Variants in PHLDB2 observed in about 807,000 individuals in gnomAD.
The protein encoded by PHLDB2 is pleckstrin homology like domain family B member 2, also known as pleckstrin homology-like domain family B member 2.
In PHLDB2, 71 loss-of-function variants were observed where a neutral mutation model predicts 123.6. The ratio of observed to expected loss-of-function variants is 0.57; its 90% CI spans 0.47 to 0.70. The LOEUF (loss-of-function observed/expected upper bound fraction) is 0.70. Among genes scored for constraint, PHLDB2 ranks in the 30% least tolerant of loss-of-function variants. The probability of loss-of-function intolerance (pLI) is 0.00; values close to 1 mark genes in which losing one functional copy is unlikely to be tolerated. For missense variants in PHLDB2, 1,446 were observed against 1,519.5 expected (o/e 0.95, Z 0.80); for synonymous variants, 547 against 541.6 (o/e 1.01, Z -0.14).
rs1187001824 is a variant in PHLDB2 at position 111,884,660 on chromosome 3, A to G, written c.583A>G (p.Arg195Gly). Residue 195 changes from arginine to glycine, a missense_variant, in exon 2 of 18, where the codon AGA (arginine) becomes GGA (glycine). Arg to Gly is a moderately radical substitution (Grantham distance 125, BLOSUM62 -2). Around this residue, in one of 3 missense-constraint regions of PHLDB2, gnomAD observed 832 missense variants for 831.9 expected, o/e 1.00. Coordinates refer to ENST00000431670, the MANE Select transcript of PHLDB2 (RefSeq NM_001134438.2). ...LSDAGPPPIS[R>G]SGAASMPSSP... The stretch of plus-strand genomic sequence containing the variant: ...TGATGCTGGCCCGCCTCCTATCAGC[A>G]GATCGGGAGCCGCAAGCATGCCTTC... 2 of 1,614,214 alleles carry G rather than the reference A, an allele frequency of 1.2e-6. No individual in the cohort carries two copies. The highest frequency in any genetic ancestry group is 1.7e-6 in the Non-Finnish European group (2 of 1,180,042).
At chr3:111,882,640 C>G (rs977616662) in intron 1 of PHLDB2, among the ~76,000 whole-genome samples, 1 of 152,084 alleles carries the variant, frequency 6.6e-6, no homozygotes, top group Admixed American at 6.6e-5. Flanking sequence ...GAGAAGGAGC[C>G]CAAGGCACCT....
At chr3:111,959,152 A>C (rs1450005903) in intron 12 of PHLDB2, among the ~76,000 whole-genome samples, 2 of 152,264 alleles carry the variant, frequency 1.3e-5, no homozygotes, top group African/African-American at 2.4e-5. Flanking sequence ...TCCTCTGTTT[A>C]AAATATCTAT....
At chr3:111,958,058 A>G (rs2071165181) in intron 12 of PHLDB2, 1 of 158,770 alleles carries the variant, frequency 6.3e-6, no homozygotes, top group South Asian at 2.0e-4. Context: ...TTTTCTCTGT[A>G]AACTTGGATT....
At chr3:111,957,670 A>T (rs1382238293) in intron 12 of PHLDB2, 1 of 152,282 alleles carries the variant, frequency 6.6e-6, no homozygotes, top group Non-Finnish European at 1.5e-5. Flanking sequence ...GAAAGGATTT[A>T]GGAAGCTCCT....
chr3:111,920,404 T>A lies in PHLDB2; in HGVS notation c.1986T>A (p.Val662=), dbSNP rs2068428623. The change falls in exon 5 of 18, where the codon GTT becomes GTA. Residue 662 remains valine, a synonymous_variant. Coordinates refer to ENST00000431670, the MANE Select transcript of PHLDB2 (RefSeq NM_001134438.2). ...TAGCTGAACTGGAAAAGAACATTGT[T>A]GGTGAAAAGACCAAGGTAAAAGAAA... is the stretch of plus-strand genomic sequence containing the variant. The part of the protein sequence containing the change: ...RKIAELEKNI[V]GEKTKEKVKL... The A allele has an allele frequency of 6.2e-7, 1 of 1,613,356 alleles. No individual in the cohort carries two copies. Among genetic ancestry groups the A allele is most frequent in the Non-Finnish European group, 8.5e-7 (1 of 1,179,786 alleles).
intron 17 of PHLDB2, among the ~76,000 whole-genome samples, chr3:111,974,106 C>T (rs1007615943): frequency 2.6e-5 from 4 of 152,148 alleles, no homozygotes; most frequent in Admixed American, 2.6e-4. Context: ...AGAGGGGGAT[C>T]GTGAGCAAGT....
rs770723893 is a variant in PHLDB2 at position 111,939,578 on chromosome 3, A to G, written c.2234A>G (p.Gln745Arg). The G allele has an allele frequency of 5.6e-6, 9 of 1,613,902 alleles. 1 individual carries two copies. In the Admixed American group the frequency reaches 6.7e-5, roughly 12 times the overall value. ...GATGAAGAAAAGGAGAACTTGACTC[A>G]ACAGCTCCTGCGTGAAGTTGCTGAA... Reference protein sequence around the residue: ...RLDEEKENLTQQLLREVAEYQ... With the variant: ...RLDEEKENLTRQLLREVAEYQ... Residue 745 changes from glutamine to arginine, a missense_variant, in exon 7 of 18, where the codon CAA becomes CGA. Physicochemically the swap from Gln to Arg is conservative, Grantham distance 43. Coordinates refer to ENST00000431670, the MANE Select transcript of PHLDB2 (RefSeq NM_001134438.2).
In PHLDB2 at chr3:111,734,414, CA is replaced by C. The variant is rs1472838497; in HGVS notation, c.-49+1717del. Among the ~76,000 whole-genome samples the C allele has an allele frequency of 3.9e-5, 6 of 152,016 alleles. No individual in the cohort carries two copies. The South Asian group carries it at 1.0e-3, about 26-fold the overall frequency. On this transcript the variant is annotated intron_variant, in intron 1 of 17. Coordinates refer to the PHLDB2 transcript ENST00000393923. The stretch of plus-strand genomic sequence containing the variant: ...GCAACAAAGTGAGCCTCTGTCTCTA[CA>C]AAAAATTTTTTTTAAAAATTTATGC...
intron 1 of PHLDB2, among the ~76,000 whole-genome samples, chr3:111,800,249 G>T (rs2061329632): frequency 6.6e-6 from 1 of 152,128 alleles, no homozygotes; most frequent in Non-Finnish European, 1.5e-5. Flanking sequence ...TCAAGTTTCT[G>T]CCTGCCTCGG....
intron 1 of PHLDB2, among the ~76,000 whole-genome samples, chr3:111,826,099 C>T (rs1453016102): frequency 1.3e-5 from 2 of 151,754 alleles, no homozygotes; most frequent in Non-Finnish European, 2.9e-5. Context: ...GTCAGGAGTT[C>T]GAGACCCACC....
rs111781827 is a variant in PHLDB2, at chr3:111,963,545, T to C, written c.3077+1233T>C. Among the ~76,000 whole-genome samples the C allele has an allele frequency of 2.1e-3, 313 of 152,322 alleles. 1 individual carries two copies. The highest frequency in any genetic ancestry group is 6.6e-3 in the African/African-American group (276 of 41,570). On this transcript the variant is annotated intron_variant, in intron 13 of 17. Transcript: ENST00000431670. ...TTTGTCTACACTGTAAATAATGATA[T>C]TGAAAGAGCAAAAACATTGTCTGAC...
At chr3:111,808,973 AAAT>A (rs1312805597) in intron 1 of PHLDB2, among the ~76,000 whole-genome samples, 1 of 152,184 alleles carries the variant, frequency 6.6e-6, no homozygotes, top group Non-Finnish European at 1.5e-5. Flanking sequence ...ACATACACAT[AAAT>A]AATATCTTGG....
At chr3:111,906,331 G>A (rs2067530361) in intron 2 of PHLDB2, among the ~76,000 whole-genome samples, 1 of 152,142 alleles carries the variant, frequency 6.6e-6, no homozygotes, top group South Asian at 2.1e-4. Context: ...AACCCAATAA[G>A]GTAGATATTC....
chr3:111,884,387 C>A lies in PHLDB2; in HGVS notation c.310C>A (p.Pro104Thr). Reference protein sequence around the residue: ...FSYDGTDKNIPMKPPTPLLNT... With the variant: ...FSYDGTDKNITMKPPTPLLNT... ...TTATGATGGAACTGACAAAAATATT[C>A]CTATGAAACCTCCAACTCCTTTACT... The change falls in exon 2 of 18, where the codon CCT becomes ACT. Residue 104 changes from proline (P) to threonine (T), a missense_variant. By Grantham distance (38) the Pro-to-Thr change is conservative. This residue lies in a region of PHLDB2 where 832 missense variants were observed against 831.9 expected (regional missense o/e 1.00). Coordinates refer to ENST00000431670, the MANE Select transcript of PHLDB2 (RefSeq NM_001134438.2). 2 of 1,614,102 alleles carry A rather than the reference C, an allele frequency of 1.2e-6. No homozygotes were observed. The highest frequency in any genetic ancestry group is 1.7e-6 in the Non-Finnish European group (2 of 1,180,004).
chr3:111,746,743 T>C (rs9870823), intron 1 of PHLDB2, among the ~76,000 whole-genome samples: 75,968 of 152,028 alleles, frequency 0.5, 19,586 homozygotes, highest in African/African-American at 0.62. Context: ...CACTCCAGCC[T>C]GGGTGACAGA....
intron 1 of PHLDB2, among the ~76,000 whole-genome samples, chr3:111,766,321 T>C (rs956209998): frequency 1.3e-5 from 2 of 151,706 alleles, no homozygotes; most frequent in African/African-American, 4.8e-5. Flanking sequence ...TATGCACCTG[T>C]AATCCCAGCT....
intron 1 of PHLDB2, among the ~76,000 whole-genome samples, chr3:111,807,946 G>GTTTT (rs11418818): frequency 0.035 from 2,986 of 85,868 alleles, 122 homozygotes; most frequent in African/African-American, 0.11. Context: ...TAAGCTGGGT[G>GTTTT]TTTTTTTTTT....
At chr3:111,857,039 T>C (rs2064542153), upstream of PHLDB2, among the ~76,000 whole-genome samples, 1 of 151,932 alleles carries the variant, frequency 6.6e-6, no homozygotes, top group Non-Finnish European at 1.5e-5. Context: ...ATGCAGATAC[T>C]TGGGAGGAGG....
At chr3:111,812,883 G>A (rs9817633) in intron 1 of PHLDB2, among the ~76,000 whole-genome samples, 96,066 of 152,076 alleles carry the variant, frequency 0.63, 30,793 homozygotes, top group Middle Eastern at 0.87. Context: ...CCAGGGGTGA[G>A]GTCATGTGGT....
Sources: gnomAD v4.1 joint callset for allele counts (sites outside exome capture counted in the v4.1 genomes callset) on GRCh38, gnomAD v4.1.1 for gene constraint, gnomAD v4.1.1 regional missense constraint, MANE v1.5 for transcripts, NCBI Gene and HGNC (gene_info 2026-07-23, HGNC 2026-07-21) for gene names.